PTPRD: variants seen among roughly 807,000 people sequenced by gnomAD.
PTPRD encodes protein tyrosine phosphatase receptor type D.
Under a neutral mutation model 214.5 loss-of-function variants are expected in PTPRD, and 34 were observed. The ratio of observed to expected loss-of-function variants is 0.16; its 90% confidence interval spans 0.12 to 0.21. PTPRD has a LOEUF of 0.21. Ranked by LOEUF, PTPRD falls within the 10% of genes least tolerant of loss-of-function variation. The pLI is 1.00. For missense variants in PTPRD, 2,545 were observed against 2,398.7 expected, an observed-to-expected ratio of 1.06 and a Z score of -1.27; for synonymous variants, 1,128 against 845.7, an observed-to-expected ratio of 1.33 and a Z score of -5.79.
chr9:9,570,631 T>G (rs981274559), intron 8 of PTPRD, among the ~76,000 whole-genome samples: 4 of 151,706 alleles, frequency 2.6e-5, no homozygotes, highest in Non-Finnish European at 5.9e-5. Context: ...TTAGAACCAA[T>G]CTTCAAGACA....
At chr9:9,979,772 C>T (rs1278911206) in intron 4 of PTPRD, among the ~76,000 whole-genome samples, 3 of 152,080 alleles carry the variant, frequency 2.0e-5, no homozygotes, top group Non-Finnish European at 2.9e-5. Context: ...ATACTGCAAA[C>T]GCACAGTATT....
intron 10 of PTPRD, among the ~76,000 whole-genome samples, chr9:9,089,976 T>C (rs2099773239): frequency 6.6e-6 from 1 of 152,238 alleles, no homozygotes. Flanking sequence ...ATGGGGTATA[T>C]GTGATATTTT....
chr9:9,783,921 G>C (rs569113822), intron 5 of PTPRD, among the ~76,000 whole-genome samples: 6 of 150,348 alleles, frequency 4.0e-5, no homozygotes, highest in African/African-American at 1.5e-4. Context: ...GAAGGCAACT[G>C]CCAGAGACTA....
chr9:10,085,184 CATA>C (rs1380802085), intron 3 of PTPRD, among the ~76,000 whole-genome samples: 1 of 151,806 alleles, frequency 6.6e-6, no homozygotes, highest in South Asian at 2.1e-4. Flanking sequence ...GTATTATATG[CATA>C]ATATTTGTGT....
chr9:9,931,489 G>T (rs199982529), intron 5 of PTPRD, among the ~76,000 whole-genome samples: 10 of 152,148 alleles, frequency 6.6e-5, no homozygotes, highest in African/African-American at 2.4e-4. Flanking sequence ...AAATCGGGTC[G>T]CTCCCACCCG....
chr9:8,353,830 A>ATGTATATATGTGTATATATGTATATATG (rs144699728), intron 39 of PTPRD, among the ~76,000 whole-genome samples: 1 of 27,674 alleles, frequency 3.6e-5, no homozygotes, highest in Admixed American at 2.0e-4. Flanking sequence ...ATATGTATAT[A>ATGTATATATGTGTATATATGTATATATG]TGTATATATG....
chr9:9,472,567 G>A (rs1475782958), intron 8 of PTPRD, among the ~76,000 whole-genome samples: 1 of 152,124 alleles, frequency 6.6e-6, no homozygotes, highest in Non-Finnish European at 1.5e-5. Context: ...AAGCTGTTCA[G>A]TTTGCAGCCA....
At chr9:9,623,256 A>C (rs2095308972) in intron 7 of PTPRD, among the ~76,000 whole-genome samples, 1 of 152,206 alleles carries the variant, frequency 6.6e-6, no homozygotes, top group African/African-American at 2.4e-5. Flanking sequence ...CTTAAAAGAA[A>C]CTGGGTGGTT....
intron 3 of PTPRD, among the ~76,000 whole-genome samples, chr9:10,057,829 G>C (rs1261880468): frequency 6.9e-6 from 1 of 145,536 alleles, no homozygotes; most frequent in Admixed American, 7.0e-5. Flanking sequence ...GCAACAGAGT[G>C]AGACTCCGTC....
chr9:9,425,137 A>G (rs978300321), intron 8 of PTPRD, among the ~76,000 whole-genome samples: 1 of 152,056 alleles, frequency 6.6e-6, no homozygotes, highest in Non-Finnish European at 1.5e-5. Context: ...GAAGAGAGTA[A>G]GAGGCCATAT....
intron 10 of PTPRD, among the ~76,000 whole-genome samples, chr9:9,105,224 T>C (rs1212372267): frequency 6.6e-6 from 1 of 152,192 alleles, no homozygotes; most frequent in Non-Finnish European, 1.5e-5. Flanking sequence ...ATCCAGCTCT[T>C]GAGAGGTGGC....
intron 5 of PTPRD, among the ~76,000 whole-genome samples, chr9:9,861,599 T>C (rs1192935729): frequency 6.6e-6 from 1 of 152,196 alleles, no homozygotes; most frequent in Non-Finnish European, 1.5e-5. Flanking sequence ...GAAATAGTTA[T>C]TTTTTATCAA....
intron 5 of PTPRD, among the ~76,000 whole-genome samples, chr9:9,850,060 AT>A (rs1254789705): frequency 2.0e-5 from 3 of 152,242 alleles, no homozygotes; most frequent in East Asian, 1.9e-4. Flanking sequence ...AGTTACCCAG[AT>A]ATTCCAAATC....
chr9:9,521,453 T>G (rs546037789), intron 8 of PTPRD, among the ~76,000 whole-genome samples: 9 of 152,254 alleles, frequency 5.9e-5, no homozygotes, highest in African/African-American at 2.2e-4. Flanking sequence ...AGATTATTAC[T>G]TCAGCATTTC....
At chr9:9,772,786 C>T (rs1274340274) in intron 5 of PTPRD, among the ~76,000 whole-genome samples, 1 of 150,046 alleles carries the variant, frequency 6.7e-6, no homozygotes, top group African/African-American at 2.4e-5. Context: ...GCTGGTGGCA[C>T]TATAAATTGA....
Position 8,712,775 on chromosome 9 carries a change from G to A in PTPRD, c.64+21005C>T, listed in dbSNP as rs926710147. 2.0e-5 allele frequency among the ~76,000 whole-genome samples: 3 copies of A among 152,294 alleles called. 1 individual carries two copies. Among genetic ancestry groups the A allele is most frequent in the South Asian group, 4.1e-4 (2 of 4,822 alleles). On this transcript the variant is annotated intron_variant, in intron 12 of 45. Coordinates refer to ENST00000381196, the MANE Select transcript of PTPRD (RefSeq NM_002839.4). ...TCCTTGTTGCCCAGGCTGGAGTGCA[G>A]TGGCACGATCTTGGCTCACTGCAAC...
chr9:9,234,745 A>C (rs544001629), intron 9 of PTPRD, among the ~76,000 whole-genome samples: 2 of 152,250 alleles, frequency 1.3e-5, no homozygotes, highest in African/African-American at 4.8e-5. Flanking sequence ...TTCAGTTCCC[A>C]AAAAGTTCCT....
At chr9:8,427,356 T>C (rs889864146) in intron 35 of PTPRD, among the ~76,000 whole-genome samples, 5 of 152,198 alleles carry the variant, frequency 3.3e-5, no homozygotes, top group African/African-American at 1.2e-4. Context: ...GGACACTCTT[T>C]CTTCTGTTTG....
chr9:9,458,978 A>G (rs1313376840), intron 8 of PTPRD, among the ~76,000 whole-genome samples: 1 of 152,002 alleles, frequency 6.6e-6, no homozygotes, highest in Non-Finnish European at 1.5e-5. Context: ...TACACAAAAG[A>G]AAATAAATCA....
Sources: allele counts gnomAD v4.1 joint callset (sites outside exome capture counted in the v4.1 genomes callset), GRCh38; gene constraint gnomAD v4.1.1; transcripts MANE v1.5; gene names NCBI Gene and HGNC (gene_info 2026-07-23, HGNC 2026-07-21).